ZNF33B: variants seen among roughly 807,000 people sequenced by gnomAD.
The protein encoded by ZNF33B is zinc finger protein 11b (KOX 2).
Under a neutral mutation model 45.8 loss-of-function variants are expected in ZNF33B, and 29 were observed. That is an observed-to-expected ratio of 0.63 (90% CI 0.47 to 0.86). The LOEUF (loss-of-function observed/expected upper bound fraction) is 0.86, where lower values mean the gene tolerates loss of function less well. Ranked by LOEUF, ZNF33B falls within the 40% of genes least tolerant of loss-of-function variation. The pLI, the probability that ZNF33B is intolerant of heterozygous loss-of-function variation, is 0.00. For missense variants in ZNF33B, 831 were observed against 909.9 expected (o/e 0.91, Z 1.12); for synonymous variants, 305 against 307.8 (o/e 0.99, Z 0.10).
downstream of ZNF33B, among the ~76,000 whole-genome samples, chr10:42,585,995 G>A (rs935432061): frequency 6.6e-6 from 1 of 152,166 alleles, no homozygotes; most frequent in African/African-American, 2.4e-5. Flanking sequence ...GAGTCAGGAT[G>A]CCTTGCTCTA....
chr10:42,604,041 T>C (rs540051661), intron 4 of ZNF33B, among the ~76,000 whole-genome samples: 2 of 152,180 alleles, frequency 1.3e-5, no homozygotes, highest in African/African-American at 4.8e-5. Context: ...TTACAACACA[T>C]ACAAAGAAAC....
Position 42,592,464 on chromosome 10 carries a change from T to C in ZNF33B, c.*149A>G. 8.7e-7 allele frequency: 1 copy of C among 1,152,118 alleles called. No homozygotes were observed. The highest frequency in any genetic ancestry group is 2.4e-5 in the East Asian group (1 of 42,208). 71.4% of individuals were successfully genotyped at this position (1,152,118 alleles called of 1,614,324 possible). ...CCTATAGTTGTTGTAGTCTATGGGT[T>C]TATCCCCTACTGTTACTTTGGAGTA... On this transcript the variant is annotated 3_prime_UTR_variant, in exon 5 of 5. Coordinates refer to ENST00000359467, the MANE Select transcript of ZNF33B (RefSeq NM_006955.3).
At chr10:42,585,590 A>G (rs1836917338), downstream of ZNF33B, among the ~76,000 whole-genome samples, 1 of 152,238 alleles carries the variant, frequency 6.6e-6, no homozygotes, top group African/African-American at 2.4e-5. Context: ...GATGCATAAT[A>G]CTGATAATGA....
At chr10:42,631,460 C>A (rs775520586) in intron 4 of ZNF33B, among the ~76,000 whole-genome samples, 1 of 152,218 alleles carries the variant, frequency 6.6e-6, no homozygotes, top group Non-Finnish European at 1.5e-5. Context: ...TCACCTCGAC[C>A]TGTGCTGGGA....
At chr10:42,600,700 G>C (rs941966462) in intron 4 of ZNF33B, among the ~76,000 whole-genome samples, 1 of 152,018 alleles carries the variant, frequency 6.6e-6, no homozygotes, top group South Asian at 2.1e-4. Flanking sequence ...TTTAATCAGT[G>C]TACTTTTCAG....
chr10:42,575,504 G>C (rs1264236847), intron 1 of ZNF33B, among the ~76,000 whole-genome samples: 1 of 151,826 alleles, frequency 6.6e-6, no homozygotes, highest in Non-Finnish European at 1.5e-5. Flanking sequence ...TGTGATTTCA[G>C]GCCTAGGAAG....
At position 42,590,026 on chromosome 10, in the gene ZNF33B, C is replaced by T. The variant is rs998981880; in HGVS notation, c.*2587G>A. On this transcript the variant is annotated 3_prime_UTR_variant, in exon 5 of 5. Transcript: ENST00000359467. ...AATGGATATTGGATTTTGTCAAATG[C>T]TTTTTCTGTACCTATTGATATGATC... The T allele has an allele frequency of 5.3e-5, 8 of 152,154 alleles. No individual in the cohort carries two copies. The highest frequency in any genetic ancestry group is 1.9e-4 in the African/African-American group (8 of 41,448). The allele number at this position is 152,154 out of a possible 1,614,324, so 9.4% of individuals were successfully genotyped here. A position where few individuals can be genotyped will look rare whatever the true frequency, so the allele number is the denominator to read the frequency against.
chr10:42,614,265 G>A (rs1220355710), intron 4 of ZNF33B: 1 of 154,812 alleles, frequency 6.5e-6, no homozygotes, highest in Admixed American at 6.5e-5. Context: ...ATTCCAATAA[G>A]TGGAATTTAT....
chr10:42,587,831 A>G (rs1479057562), downstream of ZNF33B, among the ~76,000 whole-genome samples: 2 of 152,152 alleles, frequency 1.3e-5, no homozygotes, highest in Non-Finnish European at 2.9e-5. Flanking sequence ...CACCTGGACC[A>G]TGGGCCACCA....
Position 42,589,271 on chromosome 10 carries a change from T to G in ZNF33B, c.*3342A>C, listed in dbSNP as rs1837005881. The G allele has an allele frequency of 6.6e-6, 1 of 152,254 alleles. No individual in the cohort carries two copies. Among genetic ancestry groups the G allele is most frequent in the South Asian group, 2.1e-4 (1 of 4,838 alleles). The allele number at this position is 152,254 out of a possible 1,614,324, so 9.4% of individuals were successfully genotyped here. A position where few individuals can be genotyped will look rare whatever the true frequency, so the allele number is the denominator to read the frequency against. On this transcript the variant is annotated 3_prime_UTR_variant, in exon 5 of 5. Transcript: ENST00000359467. The stretch of plus-strand genomic sequence containing the variant: ...CAATTATTAACATCTTGCATCATTA[T>G]GGTTCATTTGTTACAATTGATGAGC...
intron 4 of ZNF33B, among the ~76,000 whole-genome samples, chr10:42,616,260 A>G (rs1838309449): frequency 6.6e-6 from 1 of 152,116 alleles, no homozygotes. Flanking sequence ...TTTGTCAGGA[A>G]GGTTGCACAA....
chr10:42,615,791 G>A (rs1479618831), intron 4 of ZNF33B, among the ~76,000 whole-genome samples: 1 of 151,964 alleles, frequency 6.6e-6, no homozygotes, highest in African/African-American at 2.4e-5. Flanking sequence ...TGGGCATAGT[G>A]GTGCATGCCT....
At chr10:42,609,000 T>C (rs538012729) in intron 4 of ZNF33B, among the ~76,000 whole-genome samples, 1 of 152,028 alleles carries the variant, frequency 6.6e-6, no homozygotes, top group South Asian at 2.1e-4. Context: ...GTCAACAAAT[T>C]ATTTAACTTC....
chr10:42,616,992 CCTGT>C (rs960193259), intron 4 of ZNF33B, among the ~76,000 whole-genome samples: 22 of 151,622 alleles, frequency 1.5e-4, no homozygotes, highest in African/African-American at 3.1e-4. Context: ...ACGCACCCAG[CCTGT>C]CTATTATCTT....
chr10:42,638,418 C>A, intron 1 of ZNF33B, 56 bp downstream of exon 1: 1 of 354,502 alleles, frequency 2.8e-6, no homozygotes, highest in South Asian at 2.2e-5. Context: ...CGGCTGCCTG[C>A]TCCTGGAGTC....
intron 4 of ZNF33B, among the ~76,000 whole-genome samples, chr10:42,618,188 C>A (rs1345801908): frequency 6.6e-6 from 1 of 152,148 alleles, no homozygotes; most frequent in African/African-American, 2.4e-5. Context: ...ATGGGGTGGA[C>A]CAGAACAAAC....
intron 4 of ZNF33B, among the ~76,000 whole-genome samples, chr10:42,611,853 T>C (rs1838110290): frequency 6.6e-6 from 1 of 152,140 alleles, no homozygotes; most frequent in Non-Finnish European, 1.5e-5. Flanking sequence ...GTTTTGGGAG[T>C]TCTTTAGAAT....
At chr10:42,588,896 G>A (rs1476834524), downstream of ZNF33B, among the ~76,000 whole-genome samples, 2 of 152,186 alleles carry the variant, frequency 1.3e-5, no homozygotes, top group Non-Finnish European at 2.9e-5. Context: ...GGATGGAAAC[G>A]AGTTTAGGTC....
intron 2 of ZNF33B, among the ~76,000 whole-genome samples, chr10:42,635,096 C>T (rs1839227353): frequency 6.6e-6 from 1 of 152,022 alleles, no homozygotes; most frequent in Admixed American, 6.6e-5. Context: ...ACAAAATTAG[C>T]CAGGTGTGAT....
Sources: allele counts gnomAD v4.1 joint callset (sites outside exome capture counted in the v4.1 genomes callset), GRCh38; gene constraint gnomAD v4.1.1; transcripts MANE v1.5; gene names NCBI Gene and HGNC (gene_info 2026-07-23, HGNC 2026-07-21).